Variants in NPHP1 observed in about 807,000 individuals in gnomAD.
The protein encoded by NPHP1 is nephrocystin 1.
In NPHP1, 70 loss-of-function variants were observed where a neutral mutation model predicts 90.4. The ratio of observed to expected loss-of-function variants is 0.77; its 90% CI spans 0.64 to 0.95. NPHP1 has a LOEUF of 0.95. Ranked by LOEUF, NPHP1 falls within the 40% of genes least tolerant of loss-of-function variation. The pLI, the probability that NPHP1 is intolerant of heterozygous loss-of-function variation, is 0.00. For missense variants in NPHP1, 764 were observed against 795.9 expected (o/e 0.96, Z 0.48); for synonymous variants, 256 against 271.7 (o/e 0.94, Z 0.57).
In NPHP1 at chr2:110,160,251, C is replaced by T. The variant is rs1682213152; in HGVS notation, c.959G>A (p.Arg320Lys). Residue 320 changes from arginine (R) to lysine (K), a missense_variant, in exon 11 of 20, where the codon AGG becomes AAG. Physicochemically the swap from Arg to Lys is conservative, Grantham distance 26. Coordinates refer to ENST00000445609, the MANE Select transcript of NPHP1 (RefSeq NM_001128178.3). ...LMWDATEGTI[R>K]SRPSRISLIL... ...CAATGAAATACGACTTGGTCTCGACCTAATCTGAAAGAAAAATTAGTTATA... is the reference window on the plus strand; with the variant it reads ...CAATGAAATACGACTTGGTCTCGACTTAATCTGAAAGAAAAATTAGTTATA... 1.2e-6 allele frequency: 2 copies of T among 1,607,630 alleles called. No homozygotes were observed. The highest frequency in any genetic ancestry group is 1.3e-5 in the African/African-American group (1 of 74,854).
intron 11 of NPHP1, among the ~76,000 whole-genome samples, chr2:110,156,073 CTT>C (rs35055335): frequency 9.9e-5 from 14 of 141,968 alleles, no homozygotes; most frequent in East Asian, 2.1e-4. Context: ...GCAGGTCTTT[CTT>C]TTTTTTTTTT....
In NPHP1 at chr2:110,147,920, C is replaced by T. The variant is rs773810185; in HGVS notation, c.1265G>A (p.Arg422His). ...ILFELGISYI[R>H]NSTGERGELS... The stretch of plus-strand genomic sequence containing the variant: ...CTTATCTTTCAACGGACATACATTG[C>T]GAATATAAGAAATTCCAAGTTCAAA... Residue 422 changes from arginine (R) to histidine (H), a missense_variant, in exon 13 of 20, where the codon CGC (arginine) becomes CAC (histidine). By Grantham distance (29) the Arg-to-His change is conservative. Coordinates refer to ENST00000445609, the MANE Select transcript of NPHP1 (RefSeq NM_001128178.3). 2.6e-6 allele frequency: 4 copies of T among 1,542,802 alleles called. No homozygotes were observed. The highest frequency in any genetic ancestry group is 2.2e-5 in the East Asian group (1 of 44,544).
chr2:110,167,702 G>C (rs1001725287), intron 6 of NPHP1, among the ~76,000 whole-genome samples: 1 of 152,156 alleles, frequency 6.6e-6, no homozygotes, highest in African/African-American at 2.4e-5. Flanking sequence ...TAGCCAGTCA[G>C]TCAGAAGTAT....
intron 14 of NPHP1, among the ~76,000 whole-genome samples, chr2:110,145,101 T>C (rs1426693049): frequency 2.0e-5 from 3 of 152,110 alleles, no homozygotes; most frequent in South Asian, 4.2e-4. Flanking sequence ...TCTATGCAAA[T>C]GCAAACAAAT....
In NPHP1 at chr2:110,168,545, T is replaced by C. The variant is rs1444736357; in HGVS notation, c.531A>G (p.Glu177=). 1 of 1,605,800 alleles carries C rather than the reference T, an allele frequency of 6.2e-7. No individual in the cohort carries two copies. Among genetic ancestry groups the C allele is most frequent in the Admixed American group, 1.7e-5 (1 of 59,994 alleles). Residue 177 remains glutamate (E), a synonymous_variant, in exon 6 of 20, where the codon GAA becomes GAG. Transcript: ENST00000445609. ...QVGDLTFKKG[E]ILLVIEKKPD... The stretch of plus-strand genomic sequence containing the variant: ...GTTTTTTTTCAATTACAAGGAGAAT[T>C]TCCCCTTTCTTAAAGCAAAACAAAG...
chr2:110,201,045 C>T (rs1285111265), intron 2 of NPHP1, among the ~76,000 whole-genome samples: 1 of 151,702 alleles, frequency 6.6e-6, no homozygotes, highest in Non-Finnish European at 1.5e-5. Context: ...TAAGTAAAAA[C>T]AAATACAAAA....
intron 2 of NPHP1, among the ~76,000 whole-genome samples, chr2:110,189,536 G>C (rs1424508862): frequency 2.0e-5 from 3 of 152,088 alleles, no homozygotes; most frequent in Non-Finnish European, 4.4e-5. Context: ...CCCAAAGAGT[G>C]AGCAGTAGCA....
intron 1 of NPHP1, among the ~76,000 whole-genome samples, chr2:110,203,026 G>A (rs1685673910): frequency 6.6e-6 from 1 of 152,108 alleles, no homozygotes; most frequent in South Asian, 2.1e-4. Flanking sequence ...CAACATAGAT[G>A]CCCACCAATG....
At chr2:110,143,472 C>G (rs577420609) in intron 16 of NPHP1, 70 bp downstream of exon 16, 1 of 1,075,002 alleles carries the variant, frequency 9.3e-7, no homozygotes, top group African/African-American at 1.6e-5. Context: ...GAGGAAAAGC[C>G]AAAAGCAGAG....
At chr2:110,161,947 T>C (rs998159110) in intron 9 of NPHP1, among the ~76,000 whole-genome samples, 5 of 152,128 alleles carry the variant, frequency 3.3e-5, no homozygotes, top group Non-Finnish European at 7.4e-5. Context: ...GCCAATAATA[T>C]GCCCCATGAT....
intron 1 of NPHP1, among the ~76,000 whole-genome samples, chr2:110,203,013 A>G (rs944899759): frequency 1.3e-5 from 2 of 152,190 alleles, no homozygotes; most frequent in Non-Finnish European, 2.9e-5. Context: ...AAAGACATGG[A>G]ATCAACATAG....
chr2:110,179,768 A>G lies in NPHP1; in HGVS notation c.144-84T>C, dbSNP rs1481138643. ...ATTTTATAAAATCATTCAGTCGTTGAGCAGGCAAGGCAATTAGCCACTGTA... is the reference window on the plus strand; with the variant it reads ...ATTTTATAAAATCATTCAGTCGTTGGGCAGGCAAGGCAATTAGCCACTGTA... On this transcript the variant is annotated intron_variant, in intron 2 of 19. Coordinates refer to ENST00000445609, the MANE Select transcript of NPHP1 (RefSeq NM_001128178.3). 7 of 682,506 alleles carry G rather than the reference A, an allele frequency of 1.0e-5. No homozygotes were observed. In the Admixed American group the frequency reaches 1.2e-4, roughly 11 times the overall value. 42.3% of individuals were successfully genotyped at this position (682,506 alleles called of 1,614,324 possible). A position where few individuals can be genotyped will look rare whatever the true frequency, so the allele number is the denominator to read the frequency against.
At chr2:110,169,669 A>C in intron 5 of NPHP1, 137 bp downstream of exon 5, 1 of 673,946 alleles carries the variant, frequency 1.5e-6, no homozygotes, top group Admixed American at 2.3e-5. Flanking sequence ...TGTAAATTGT[A>C]ATTATTACTT....
At position 110,123,666 on chromosome 2, in the gene NPHP1, T is replaced by C. The variant is rs1679134459; in HGVS notation, c.*125A>G. Reference sequence around the variant, plus strand: ...AACATTTCTTTAAAAATATGGTCTGTAGAAAGAAAAGAGTAAAACCTAAGT... The same window carrying C: ...AACATTTCTTTAAAAATATGGTCTGCAGAAAGAAAAGAGTAAAACCTAAGT... On this transcript the variant is annotated 3_prime_UTR_variant, in exon 20 of 20. Coordinates refer to ENST00000445609, the MANE Select transcript of NPHP1 (RefSeq NM_001128178.3). The C allele has an allele frequency of 4.4e-6, 4 of 908,062 alleles. No homozygotes were observed. The highest frequency in any genetic ancestry group is 7.1e-6 in the Non-Finnish European group (4 of 565,640). 56.3% of individuals were successfully genotyped at this position (908,062 alleles called of 1,614,324 possible). A position where few individuals can be genotyped will look rare whatever the true frequency, so the allele number is the denominator to read the frequency against.
intron 11 of NPHP1, among the ~76,000 whole-genome samples, chr2:110,150,646 T>C (rs1319284452): frequency 2.0e-5 from 3 of 151,832 alleles, no homozygotes; most frequent in African/African-American, 7.2e-5. Flanking sequence ...GCCTCCCAGG[T>C]ACAAGTGATT....
At chr2:110,196,538 A>G (rs1344562179) in intron 2 of NPHP1, among the ~76,000 whole-genome samples, 2 of 152,010 alleles carry the variant, frequency 1.3e-5, no homozygotes, top group Non-Finnish European at 2.9e-5. Context: ...GAAATAGGAA[A>G]CTTTTACACT....
At chr2:110,140,763 C>CA (rs1285820609) in intron 16 of NPHP1, among the ~76,000 whole-genome samples, 1 of 151,256 alleles carries the variant, frequency 6.6e-6, no homozygotes, top group Non-Finnish European at 1.5e-5. Flanking sequence ...AAAGGCTGGC[C>CA]AAAAAAGAGG....
At chr2:110,145,256 C>T (rs1680935767) in intron 14 of NPHP1, among the ~76,000 whole-genome samples, 1 of 152,232 alleles carries the variant, frequency 6.6e-6, no homozygotes, top group South Asian at 2.1e-4. Context: ...CAATTCTGCT[C>T]CTCAGAGGCA....
chr2:110,143,920 T>C (rs573912673), intron 15 of NPHP1: 4 of 404,812 alleles, frequency 9.9e-6, no homozygotes, highest in African/African-American at 6.1e-5. Context: ...CCCAAACTCC[T>C]TTCTGTTCCA....
Sources: allele counts gnomAD v4.1 joint callset (sites outside exome capture counted in the v4.1 genomes callset), GRCh38; gene constraint gnomAD v4.1.1; transcripts MANE v1.5; gene names NCBI Gene and HGNC (gene_info 2026-07-23, HGNC 2026-07-21).